RLF: variants seen among roughly 807,000 people sequenced by gnomAD.
RLF encodes the protein RLF zinc finger, also known as zinc finger protein Rlf.
RLF carries 7 observed loss-of-function variants against 162.9 expected under a neutral mutation model. The observed-to-expected ratio is 0.04, with a 90% CI of 0.02 to 0.08. The LOEUF is 0.08. RLF is among the 10% of genes least tolerant of loss of function. The probability of loss-of-function intolerance (pLI) is 1.00; values close to 1 mark genes in which losing one functional copy is unlikely to be tolerated. For synonymous variants in RLF, 782 were observed against 791.5 expected (o/e 0.99, Z 0.20); for missense variants, 1,664 against 2,244.7 (o/e 0.74, Z 5.23).
At chr1:40,193,062 T>C (rs1642581427) in intron 3 of RLF, among the ~76,000 whole-genome samples, 1 of 150,848 alleles carries the variant, frequency 6.6e-6, no homozygotes, top group African/African-American at 2.4e-5. Context: ...TTGACCAATG[T>C]CTTGCTATTT....
At chr1:40,232,559 G>A (rs1643165801) in intron 7 of RLF, among the ~76,000 whole-genome samples, 1 of 152,106 alleles carries the variant, frequency 6.6e-6, no homozygotes, top group African/African-American at 2.4e-5. Context: ...TGTGGTTGTA[G>A]GACTAAGGTT....
chr1:40,162,601 A>G (rs1239563116), intron 1 of RLF, among the ~76,000 whole-genome samples: 3 of 152,140 alleles, frequency 2.0e-5, no homozygotes, highest in Admixed American at 2.0e-4. Flanking sequence ...ATGCTGAATA[A>G]ATTGCGGCGT....
intron 1 of RLF, among the ~76,000 whole-genome samples, chr1:40,185,090 T>A (rs114421378): frequency 1.6e-3 from 250 of 152,130 alleles, no homozygotes; most frequent in African/African-American, 5.9e-3. Flanking sequence ...AAGTTTTTTT[T>A]AATTGGCTGG....
At chr1:40,175,152 C>T (rs1484617867) in intron 1 of RLF, among the ~76,000 whole-genome samples, 1 of 136,674 alleles carries the variant, frequency 7.3e-6, no homozygotes, top group Non-Finnish European at 1.5e-5. Context: ...GTTTGTGCCA[C>T]TGCATTCCAG....
Position 40,237,702 on chromosome 1 carries a change from A to G in RLF, c.3000A>G (p.Glu1000=). 1 of 1,614,140 alleles carries G rather than the reference A, an allele frequency of 6.2e-7. No individual in the cohort carries two copies. The highest frequency in any genetic ancestry group is 8.5e-7 in the Non-Finnish European group (1 of 1,179,990). The change falls in exon 8 of 8, where the codon GAA becomes GAG. Residue 1000 remains glutamate, a synonymous_variant. Coordinates refer to ENST00000372771, the MANE Select transcript of RLF (RefSeq NM_012421.4). This position sits in a 1 kb window ranked among gnomAD's most constrained non-coding sequence, Gnocchi z 4.4. ...ATCTGTTTCCCTCTTTGGGTAATGA[A>G]CATAATCAGACAACTGAAAAGTTGG... is the stretch of plus-strand genomic sequence containing the variant. The part of the protein sequence containing the change: ...TKDLFPSLGN[E]HNQTTEKLDA...
chr1:40,183,904 A>T (rs1210957817), intron 1 of RLF, among the ~76,000 whole-genome samples: 1 of 152,214 alleles, frequency 6.6e-6, no homozygotes, highest in African/African-American at 2.4e-5. Flanking sequence ...CAGTAAATAT[A>T]ATTATTTCAT....
chr1:40,237,325 T>C lies in RLF; in HGVS notation c.2623T>C (p.Ser875Pro), dbSNP rs371232873. Residue 875 changes from serine to proline, a missense_variant, in exon 8 of 8, where the codon TCA (serine) becomes CCA (proline). Around this residue, in one of 15 missense-constraint regions of RLF, gnomAD observed 295 missense variants for 317.4 expected, o/e 0.93. Transcript: ENST00000372771. The surrounding 1 kb of genome is among the most constrained non-coding windows in gnomAD (Gnocchi z 4.4). ...HLPEDLFCAE[S>P]ANSQIDTETA... ...ACCTGAAGATCTTTTCTGTGCAGAA[T>C]CAGCTAATTCTCAAATAGATACAGA... is the stretch of plus-strand genomic sequence containing the variant. 3.1e-6 allele frequency: 5 copies of C among 1,614,034 alleles called. No homozygotes were observed. The African/African-American group carries it at 6.7e-5, about 22-fold the overall frequency.
chr1:40,194,690 G>A (rs1161615255), intron 3 of RLF, among the ~76,000 whole-genome samples: 1 of 151,896 alleles, frequency 6.6e-6, no homozygotes, highest in Non-Finnish European at 1.5e-5. Context: ...CTAATAGTAG[G>A]GCACTCCAAA....
chr1:40,228,671 G>C (rs1466601777), intron 6 of RLF, among the ~76,000 whole-genome samples: 1 of 152,106 alleles, frequency 6.6e-6, no homozygotes, highest in African/African-American at 2.4e-5. Flanking sequence ...TGCCAGGCTG[G>C]AGTATAGTGG....
intron 2 of RLF, among the ~76,000 whole-genome samples, chr1:40,189,468 C>T (rs754589647): frequency 1.3e-5 from 2 of 152,118 alleles, no homozygotes; most frequent in Non-Finnish European, 2.9e-5. Context: ...ATATTTCTAT[C>T]CCTTAGGTAT....
chr1:40,202,422 G>A lies in RLF; in HGVS notation c.618G>A (p.Leu206=). Residue 206 remains leucine, a synonymous_variant, in exon 5 of 8, where the codon TTG becomes TTA. Coordinates refer to ENST00000372771, the MANE Select transcript of RLF (RefSeq NM_012421.4). The part of the protein sequence containing the change: ...QPVETEEVNK[L]IAQEGPSFLQ... ...TTTCATTTTTTCTAGTCAATAAATT[G>A]ATTGCACAAGAAGGACCTTCCTTTC... The A allele has an allele frequency of 6.4e-7, 1 of 1,569,544 alleles. No individual in the cohort carries two copies. Among genetic ancestry groups the A allele is most frequent in the Non-Finnish European group, 8.6e-7 (1 of 1,164,940 alleles).
chr1:40,220,246 A>C lies in RLF; in HGVS notation c.811-2328A>C, dbSNP rs79543668. On this transcript the variant is annotated intron_variant, in intron 5 of 7. Coordinates refer to ENST00000372771, the MANE Select transcript of RLF (RefSeq NM_012421.4). ...CTGTCTCAAAAAAGAAAAGAAAAAC[A>C]AAAGTGCTTCTACTCCTAGCAACTC... is the stretch of plus-strand genomic sequence containing the variant. Among the ~76,000 whole-genome samples the C allele has an allele frequency of 3.6e-3, 554 of 152,284 alleles. 13 individuals are homozygous for C. The highest frequency in any genetic ancestry group is 0.031 in the East Asian group (162 of 5,176).
chr1:40,210,723 A>T (rs1642854432), intron 5 of RLF, among the ~76,000 whole-genome samples: 1 of 152,192 alleles, frequency 6.6e-6, no homozygotes, highest in African/African-American at 2.4e-5. Flanking sequence ...CCGGGCAAAA[A>T]CAGAGGAGGA....
Position 40,219,860 on chromosome 1 carries a change from A to G in RLF, c.811-2714A>G, listed in dbSNP as rs74068381. 2.4e-3 allele frequency among the ~76,000 whole-genome samples: 364 copies of G among 152,364 alleles called. 1 individual carries two copies. Among genetic ancestry groups the G allele is most frequent in the African/African-American group, 8.3e-3 (345 of 41,582 alleles). On this transcript the variant is annotated intron_variant, in intron 5 of 7. Coordinates refer to ENST00000372771, the MANE Select transcript of RLF (RefSeq NM_012421.4). ...TTTAATTTGAGACATTGGTAGAGAA[A>G]GTTAAACTTTGCTTGTTTAGGCCAG...
intron 1 of RLF, among the ~76,000 whole-genome samples, chr1:40,165,357 T>A (rs1469878891): frequency 6.6e-6 from 1 of 152,232 alleles, no homozygotes; most frequent in East Asian, 1.9e-4. Flanking sequence ...CACATAATTT[T>A]GGGAAAGATG....
intron 5 of RLF, among the ~76,000 whole-genome samples, chr1:40,202,931 CAGA>C (rs560258547): frequency 6.6e-6 from 1 of 151,860 alleles, no homozygotes; most frequent in Admixed American, 6.6e-5. Context: ...TTGGGGAATG[CAGA>C]AGTTGTTAAT....
intron 4 of RLF, among the ~76,000 whole-genome samples, chr1:40,201,668 A>G (rs1031498175): frequency 2.0e-5 from 3 of 150,604 alleles, no homozygotes; most frequent in South Asian, 2.1e-4. Flanking sequence ...CATCCAGAGC[A>G]CTGTACAGTC....
chr1:40,225,578 C>CA lies in RLF; in HGVS notation c.947+2885dup, dbSNP rs537934926. Among the ~76,000 whole-genome samples the CA allele has an allele frequency of 8.8e-3, 732 of 83,020 alleles. 11 individuals carry two copies. Among genetic ancestry groups the CA allele is most frequent in the African/African-American group, 0.027 (510 of 18,786 alleles). The allele number at this position is 83,020 out of a possible 152,430, so 54.5% of individuals were successfully genotyped here. A position where few individuals can be genotyped will look rare whatever the true frequency, so the allele number is the denominator to read the frequency against. The stretch of plus-strand genomic sequence containing the variant: ...TGGGTGACAGAGCAAGACTCTGTCT[C>CA]AAAAAAAAAAAAAAAAAGCCGGGCG... On this transcript the variant is annotated intron_variant, in intron 6 of 7. Transcript: ENST00000372771.
In RLF at chr1:40,195,734, C is replaced by G. The variant is rs1642626452; in HGVS notation, c.577C>G (p.Leu193Val). Residue 193 changes from leucine (L) to valine (V), a missense_variant, in exon 4 of 8, where the codon CTG becomes GTG. By Grantham distance (32) the Leu-to-Val change is conservative (BLOSUM62 1). Coordinates refer to ENST00000372771, the MANE Select transcript of RLF (RefSeq NM_012421.4). Reference protein sequence around the residue: ...VWKNPVLLKILSQQPVETEEV... With the variant: ...VWKNPVLLKIVSQQPVETEEV... Reference sequence around the variant, plus strand: ...GAAAAACCCAGTTCTTCTTAAAATTCTGTCTCAACAGCCAGTAGAAACGGA... The same window carrying G: ...GAAAAACCCAGTTCTTCTTAAAATTGTGTCTCAACAGCCAGTAGAAACGGA... The G allele has an allele frequency of 6.2e-7, 1 of 1,613,816 alleles. No individual in the cohort carries two copies. Among genetic ancestry groups the G allele is most frequent in the East Asian group, 2.2e-5 (1 of 44,826 alleles).
Sources: gnomAD v4.1 joint callset for allele counts (sites outside exome capture counted in the v4.1 genomes callset) on GRCh38, gnomAD v4.1.1 for gene constraint, gnomAD v4.1.1 regional missense constraint, Gnocchi (gnomAD v3.1) non-coding constraint, MANE v1.5 for transcripts, NCBI Gene and HGNC (gene_info 2026-07-23, HGNC 2026-07-21) for gene names.